Variants in TNR observed in about 807,000 individuals in gnomAD.
The protein encoded by TNR is tenascin R, also known as tenascin-R.
TNR carries 45 observed loss-of-function variants against 150.4 expected under a neutral mutation model. The ratio of observed to expected loss-of-function variants is 0.30; its 90% CI spans 0.24 to 0.38. TNR has a LOEUF of 0.38. Ranked by LOEUF, TNR falls within the 10% of genes least tolerant of loss-of-function variation. The pLI, the probability that TNR is intolerant of heterozygous loss-of-function variation, is 1.00. For missense variants in TNR, 1,544 were observed against 1,759.1 expected, an observed-to-expected ratio of 0.88 and a Z score of 2.19; for synonymous variants, 687 against 678.4, an observed-to-expected ratio of 1.01 and a Z score of -0.20.
chr1:175,477,434 A>G (rs1411862837), intron 2 of TNR, among the ~76,000 whole-genome samples: 1 of 152,176 alleles, frequency 6.6e-6, no homozygotes, highest in African/African-American at 2.4e-5. Flanking sequence ...CTGTGATGCT[A>G]TCTACATGTG....
intron 2 of TNR, among the ~76,000 whole-genome samples, chr1:175,480,406 AAG>A (rs1163845740): frequency 7.6e-6 from 1 of 131,442 alleles, no homozygotes; most frequent in African/African-American, 2.8e-5. Context: ...AGAAAGAAAA[AAG>A]AAAGAAAGAA....
intron 1 of TNR, among the ~76,000 whole-genome samples, chr1:175,654,565 G>A (rs1216299946): frequency 6.6e-6 from 1 of 151,938 alleles, no homozygotes; most frequent in Admixed American, 6.6e-5. Flanking sequence ...AGCAAAGCTG[G>A]ACTATTTCAC....
chr1:175,650,612 C>T (rs971878207), intron 1 of TNR, among the ~76,000 whole-genome samples: 4 of 151,260 alleles, frequency 2.6e-5, no homozygotes, highest in Non-Finnish European at 5.9e-5. Context: ...TCCCTACCTC[C>T]TTTCTCCTCC....
chr1:175,509,652 C>G (rs1006848727), intron 2 of TNR, among the ~76,000 whole-genome samples: 2 of 152,166 alleles, frequency 1.3e-5, no homozygotes, highest in Non-Finnish European at 2.9e-5. Flanking sequence ...AGAAAATGAT[C>G]TTTTCCAGTC....
At chr1:175,375,061 A>C (rs1260059191) in intron 9 of TNR, among the ~76,000 whole-genome samples, 1 of 152,206 alleles carries the variant, frequency 6.6e-6, no homozygotes, top group East Asian at 1.9e-4. Context: ...CGTTAGTCCC[A>C]GTCAGGGAAG....
chr1:175,650,666 G>A (rs1369966614), intron 1 of TNR, among the ~76,000 whole-genome samples: 1 of 54,288 alleles, frequency 1.8e-5, no homozygotes, highest in Non-Finnish European at 3.9e-5. Flanking sequence ...ACTGTATTGA[G>A]GCTGCCTCCA....
intron 1 of TNR, among the ~76,000 whole-genome samples, chr1:175,658,107 C>T (rs887557780): frequency 8.6e-5 from 13 of 151,770 alleles, no homozygotes; most frequent in Non-Finnish European, 1.3e-4. Context: ...TTACTCTTAG[C>T]TTGGTGAAGT....
intron 2 of TNR, among the ~76,000 whole-genome samples, chr1:175,451,482 A>AGGCCGCCAG (rs58337475): frequency 1.3e-5 from 2 of 152,126 alleles, no homozygotes; most frequent in Admixed American, 6.5e-5. Flanking sequence ...GCCAGCCGCC[A>AGGCCGCCAG]GCCTCCAGGC....
intron 1 of TNR, among the ~76,000 whole-genome samples, chr1:175,718,980 C>T (rs1450222861): frequency 6.6e-6 from 1 of 152,186 alleles, no homozygotes; most frequent in Non-Finnish European, 1.5e-5. Context: ...CCACAATCTG[C>T]CAATTTCAGA....
At chr1:175,595,632 G>C (rs535529646) in intron 1 of TNR, among the ~76,000 whole-genome samples, 1 of 152,262 alleles carries the variant, frequency 6.6e-6, no homozygotes, top group African/African-American at 2.4e-5. Flanking sequence ...CATCTTTTCT[G>C]TTTTAAGTCT....
chr1:175,573,087 C>T (rs1465865804), intron 1 of TNR, among the ~76,000 whole-genome samples: 1 of 152,138 alleles, frequency 6.6e-6, no homozygotes, highest in African/African-American at 2.4e-5. Flanking sequence ...TTTTAGTGGT[C>T]CAAATTGATC....
At chr1:175,617,651 T>C (rs1663824531) in intron 1 of TNR, among the ~76,000 whole-genome samples, 1 of 152,138 alleles carries the variant, frequency 6.6e-6, no homozygotes, top group Non-Finnish European at 1.5e-5. Context: ...AAATCTAAGA[T>C]CCTCAGTGAT....
At chr1:175,395,133 G>A (rs563294865) in intron 5 of TNR, among the ~76,000 whole-genome samples, 4 of 152,142 alleles carry the variant, frequency 2.6e-5, no homozygotes, top group East Asian at 1.9e-4. Context: ...TTCTCATAGC[G>A]GAGTCCAAAA....
chr1:175,698,732 G>T (rs1168426647), intron 1 of TNR, among the ~76,000 whole-genome samples: 1 of 152,174 alleles, frequency 6.6e-6, no homozygotes, highest in East Asian at 1.9e-4. Flanking sequence ...TCCCTCAGGA[G>T]GCTGAGGCAG....
At chr1:175,550,432 G>C (rs527299161) in intron 1 of TNR, among the ~76,000 whole-genome samples, 93 of 152,270 alleles carry the variant, frequency 6.1e-4, no homozygotes, top group African/African-American at 2.1e-3. Flanking sequence ...GTAGGTGTGA[G>C]GTGAAGTACT....
chr1:175,494,681 C>T (rs1658406585), intron 2 of TNR, among the ~76,000 whole-genome samples: 1 of 152,168 alleles, frequency 6.6e-6, no homozygotes, highest in Non-Finnish European at 1.5e-5. Flanking sequence ...CCCGGTGGCT[C>T]CTTAAAAACC....
chr1:175,480,465 A>AAAAAG (rs1166589255), intron 2 of TNR, among the ~76,000 whole-genome samples: 6 of 142,322 alleles, frequency 4.2e-5, no homozygotes, highest in East Asian at 2.1e-4. Context: ...AAGAAAAGAA[A>AAAAAG]AAAAGAAAAG....
chr1:175,386,043 T>C lies in TNR; in HGVS notation c.1766A>G (p.Gln589Arg), dbSNP rs1322753731. Reference protein sequence around the residue: ...GTNESDSATTQFTTEIDAPKN... With the variant: ...GTNESDSATTRFTTEIDAPKN... ...CACCGCAGCCTTACCTGTTGTGAACTGAGTGGTGGCAGAATCGCTCTCGTT... is the reference window on the plus strand; with the variant it reads ...CACCGCAGCCTTACCTGTTGTGAACCGAGTGGTGGCAGAATCGCTCTCGTT... The change falls in exon 8 of 23, where the codon CAG becomes CGG. Residue 589 changes from glutamine to arginine, a missense_variant. By Grantham distance (43) the Gln-to-Arg change is conservative. Around this residue, in one of 2 missense-constraint regions of TNR, gnomAD observed 1,254 missense variants for 1,329.4 expected, o/e 0.94. Coordinates refer to ENST00000367674, the MANE Select transcript of TNR (RefSeq NM_003285.3). The C allele has an allele frequency of 3.8e-6, 6 of 1,593,544 alleles. No individual in the cohort carries two copies. Among genetic ancestry groups the C allele is most frequent in the Non-Finnish European group, 4.3e-6 (5 of 1,167,356 alleles).
chr1:175,661,803 C>CT (rs397973137), intron 1 of TNR, among the ~76,000 whole-genome samples: 1 of 134,396 alleles, frequency 7.4e-6, no homozygotes, highest in Non-Finnish European at 1.6e-5. Context: ...CCCCTCCCCC[C>CT]ACCCTTTTCT....
Sources: allele counts gnomAD v4.1 joint callset (sites outside exome capture counted in the v4.1 genomes callset), GRCh38; gene constraint gnomAD v4.1.1; regional missense constraint gnomAD v4.1.1; transcripts MANE v1.5; gene names NCBI Gene and HGNC (gene_info 2026-07-23, HGNC 2026-07-21).